Variants in ZNF320 observed in about 807,000 individuals in gnomAD.
ZNF320 encodes the protein zinc finger protein 320.
ZNF320 carries 2 observed loss-of-function variants against 6.8 expected under a neutral mutation model. The observed-to-expected ratio is 0.29, with a 90% confidence interval of 0.12 to 0.93. The LOEUF is 0.93. ZNF320 is among the 40% of genes least tolerant of loss of function. The pLI, the probability that ZNF320 is intolerant of heterozygous loss-of-function variation, is 0.55. For synonymous variants in ZNF320, 208 were observed against 203.2 expected (o/e 1.02, Z -0.20); for missense variants, 472 against 611.0 (o/e 0.77, Z 2.40).
At chr19:52,872,691 C>T (rs1364843704), downstream of ZNF320, among the ~76,000 whole-genome samples, 5 of 152,052 alleles carry the variant, frequency 3.3e-5, no homozygotes, top group Admixed American at 1.3e-4. Flanking sequence ...TTAGTAGAGA[C>T]GGGGTTTCAC....
chr19:52,863,545 G>A (rs1443975177), exon 6 of ZNF320, among the ~76,000 whole-genome samples: 1 of 151,418 alleles, frequency 6.6e-6, no homozygotes, highest in Non-Finnish European at 1.5e-5. Flanking sequence ...AGAGGTTGCA[G>A]TGAGCCGAGA....
chr19:52,883,032 A>G (rs2063970798), intron 5 of ZNF320, among the ~76,000 whole-genome samples: 1 of 152,108 alleles, frequency 6.6e-6, no homozygotes, highest in Non-Finnish European at 1.5e-5. Context: ...TGTAACTTAA[A>G]AAAAAAATTT....
At position 52,861,032 on chromosome 19, in the gene ZNF320, A is replaced by AAAC. The variant is rs1568689547; in HGVS notation, c.*2996_*2997insGTT. ...ACAAACAAACAAACAAACAAACAAA[A>AAAC]CAAAAACGAAAACTCATCCAAATCA... On this transcript the variant is annotated 3_prime_UTR_variant, in exon 6 of 6. Transcript: ENST00000673631. 2.9e-3 allele frequency among the ~76,000 whole-genome samples: 445 copies of AAAC among 151,410 alleles called. 3 individuals are homozygous for AAAC. The highest frequency in any genetic ancestry group is 9.3e-3 in the African/African-American group (380 of 40,794).
upstream of ZNF320, among the ~76,000 whole-genome samples, chr19:52,899,730 G>A (rs1309368671): frequency 1.3e-5 from 2 of 152,122 alleles, no homozygotes; most frequent in Non-Finnish European, 2.9e-5. Flanking sequence ...CAAAGTGCTG[G>A]GATTACAGGC....
At position 52,879,469 on chromosome 19, in the gene ZNF320, A is replaced by G. The variant is rs916967814; in HGVS notation, c.*1127T>C. ...AATTTACCTCAACAATACAAAGACCATCCATGAAATGACCACAGCAGAAAT... is the reference window on the plus strand; with the variant it reads ...AATTTACCTCAACAATACAAAGACCGTCCATGAAATGACCACAGCAGAAAT... On this transcript the variant is annotated 3_prime_UTR_variant, in exon 6 of 6. Transcript: ENST00000682928. 1 of 160,242 alleles carries G rather than the reference A, an allele frequency of 6.2e-6. No individual in the cohort carries two copies. Among genetic ancestry groups the G allele is most frequent in the African/African-American group, 2.4e-5 (1 of 41,504 alleles). 9.9% of individuals were successfully genotyped at this position (160,242 alleles called of 1,614,324 possible).
chr19:52,894,166 A>G (rs2064397790), intron 1 of ZNF320: 1 of 152,156 alleles, frequency 6.6e-6, no homozygotes, highest in African/African-American at 2.4e-5. Context: ...TGGGTGGATC[A>G]CTTGAGGTCG....
At chr19:52,868,080 G>A (rs2063610340) in intron 5 of ZNF320, among the ~76,000 whole-genome samples, 1 of 152,166 alleles carries the variant, frequency 6.6e-6, no homozygotes, top group Admixed American at 6.6e-5. Flanking sequence ...GTGAAATGAC[G>A]GAGACAGGAA....
the ZNF320 span, among the ~76,000 whole-genome samples, chr19:52,903,634 C>T: frequency 2.0e-5 from 3 of 152,068 alleles, no homozygotes; most frequent in Non-Finnish European, 4.4e-5. Context: ...CCATAATCTC[C>T]TTTAAATTCT....
At chr19:52,859,700 C>G (rs1260046737), downstream of ZNF320, among the ~76,000 whole-genome samples, 2 of 152,112 alleles carry the variant, frequency 1.3e-5, no homozygotes, top group Non-Finnish European at 1.5e-5. Flanking sequence ...TGGATTGATA[C>G]ACTTCAAGGA....
chr19:52,900,732 G>T (rs1276766146), upstream of ZNF320, among the ~76,000 whole-genome samples: 1 of 151,316 alleles, frequency 6.6e-6, no homozygotes, highest in African/African-American at 2.4e-5. Flanking sequence ...TGTACTTTGG[G>T]TCTGATGGGT....
rs897505182 is a variant in ZNF320, at chr19:52,876,427, T to C, written c.*4169A>G. ...GTCAAAGAAGAACATTTTGAACACA[T>C]ACCGTAGTTGCAAAACAATGATGTT... On this transcript the variant is annotated 3_prime_UTR_variant, in exon 6 of 6. Transcript: ENST00000682928. The C allele has an allele frequency of 1.3e-5, 2 of 151,300 alleles. No individual in the cohort carries two copies. The highest frequency in any genetic ancestry group is 2.5e-5 in the African/African-American group (1 of 40,722). 9.4% of individuals were successfully genotyped at this position (151,300 alleles called of 1,614,324 possible). A position where few individuals can be genotyped will look rare whatever the true frequency, so the allele number is the denominator to read the frequency against.
In ZNF320 at chr19:52,869,128, G is replaced by A. The variant is rs182036989; in HGVS notation, c.223+4864C>T. 1.6e-3 allele frequency among the ~76,000 whole-genome samples: 250 copies of A among 152,034 alleles called. 1 individual carries two copies. Among genetic ancestry groups the A allele is most frequent in the African/African-American group, 5.7e-3 (235 of 41,432 alleles). ...CCTCTGTGGGAATATAATTCCACTA[G>A]GATAGACCAAATCTTGAGCTTGGAA... On this transcript the variant is annotated intron_variant, in intron 5 of 5. Coordinates refer to the ZNF320 transcript ENST00000673631.
At chr19:52,890,997 C>T (rs1022208209) in intron 3 of ZNF320, among the ~76,000 whole-genome samples, 1 of 151,936 alleles carries the variant, frequency 6.6e-6, no homozygotes, top group Non-Finnish European at 1.5e-5. Flanking sequence ...ACTAAAAATA[C>T]AAAAAGTAGC....
exon 6 of ZNF320, chr19:52,861,889 C>A (rs1376324986): frequency 1.3e-5 from 5 of 372,072 alleles, no homozygotes; most frequent in South Asian, 4.7e-5. Context: ...GACTTGTGAA[C>A]GTGAAGTAAA....
intron 5 of ZNF320, among the ~76,000 whole-genome samples, chr19:52,886,977 A>AAGGAAGGAAGGAAGGAAGGAAG (rs2064102785): frequency 2.6e-4 from 32 of 123,214 alleles, no homozygotes; most frequent in African/African-American, 9.5e-4. Context: ...AAAGAAAGAA[A>AAGGAAGGAAGGAAGGAAGGAAG]GAAGGAAGGA....
downstream of ZNF320, among the ~76,000 whole-genome samples, chr19:52,873,479 A>C (rs2063715707): frequency 6.6e-6 from 1 of 152,248 alleles, no homozygotes. Context: ...TTCTGTGAGC[A>C]CAGGGTTGGG....
At chr19:52,872,477 C>T (rs1468541759), downstream of ZNF320, among the ~76,000 whole-genome samples, 16 of 152,120 alleles carry the variant, frequency 1.1e-4, no homozygotes, top group Admixed American at 6.6e-4. Context: ...GCACCGGCAT[C>T]GACCTCTGAG....
exon 6 of ZNF320, chr19:52,862,251 C>T (rs1405771234): frequency 1.9e-5 from 13 of 675,438 alleles, no homozygotes; most frequent in Non-Finnish European, 3.0e-5. Flanking sequence ...GGCTTTGCCA[C>T]ACTCATTACA....
chr19:52,903,707 T>G, the ZNF320 span, among the ~76,000 whole-genome samples: 1 of 151,656 alleles, frequency 6.6e-6, no homozygotes, highest in African/African-American at 2.4e-5. Context: ...GAACTATGTT[T>G]TTTTTTTCTT....
Sources: allele counts gnomAD v4.1 joint callset (sites outside exome capture counted in the v4.1 genomes callset), GRCh38; gene constraint gnomAD v4.1.1; transcripts MANE v1.5; gene names NCBI Gene and HGNC (gene_info 2026-07-23, HGNC 2026-07-21).